The following MBNL1 variants were observed in gnomAD, a reference collection of about 807,000 sequenced individuals.
MBNL1 encodes the protein muscleblind-like protein 1.
Under a neutral mutation model 42.2 loss-of-function variants are expected in MBNL1, and 8 were observed. The observed-to-expected ratio is 0.19, with a 90% CI of 0.11 to 0.34. The LOEUF (loss-of-function observed/expected upper bound fraction) is 0.34. MBNL1 is among the 10% of genes least tolerant of loss of function. The pLI is 1.00. For missense variants in MBNL1, 309 were observed against 495.3 expected (o/e 0.62, Z 3.57); for synonymous variants, 169 against 173.9 (o/e 0.97, Z 0.22).
At chr3:152,280,910 C>A (rs186170339) in intron 1 of MBNL1, among the ~76,000 whole-genome samples, 1 of 151,872 alleles carries the variant, frequency 6.6e-6, no homozygotes, top group African/African-American at 2.4e-5. Context: ...TTGTTTAAAG[C>A]CCATTACATA....
intron 2 of MBNL1, among the ~76,000 whole-genome samples, chr3:152,302,831 G>A (rs2061289377): frequency 6.6e-6 from 1 of 152,032 alleles, no homozygotes; most frequent in African/African-American, 2.4e-5. Flanking sequence ...CTGAGTTCTT[G>A]AGCCATGAGA....
intron 3 of MBNL1, among the ~76,000 whole-genome samples, chr3:152,421,641 C>A (rs1371247465): frequency 6.6e-6 from 1 of 152,000 alleles, no homozygotes; most frequent in Non-Finnish European, 1.5e-5. Context: ...GACATATAAT[C>A]GTCAGATTCA....
intron 4 of MBNL1, among the ~76,000 whole-genome samples, chr3:152,442,829 C>T (rs898423870): frequency 2.6e-5 from 4 of 152,206 alleles, no homozygotes; most frequent in African/African-American, 9.7e-5. Flanking sequence ...TCCAGTCCCA[C>T]TGGCCTGTAA....
At chr3:152,455,063 T>G (rs1245239817) in intron 6 of MBNL1, among the ~76,000 whole-genome samples, 2 of 152,170 alleles carry the variant, frequency 1.3e-5, no homozygotes, top group African/African-American at 4.8e-5. Flanking sequence ...TTTCATTATA[T>G]TGTTAAGTCA....
intron 3 of MBNL1, among the ~76,000 whole-genome samples, chr3:152,432,100 A>G (rs1279185502): frequency 1.3e-5 from 2 of 152,176 alleles, no homozygotes; most frequent in African/African-American, 4.8e-5. Flanking sequence ...AACACTTATA[A>G]TTTCCCCCAG....
intron 3 of MBNL1, among the ~76,000 whole-genome samples, chr3:152,419,684 TTTTTG>T (rs763259453): frequency 6.2e-4 from 68 of 110,158 alleles, no homozygotes; most frequent in Middle Eastern, 4.4e-3. Context: ...TGCAGGAGTT[TTTTTG>T]TTTGTTTGTT....
chr3:152,455,456 G>A (rs1027751995), intron 6 of MBNL1, 86 bp from the exon 7 acceptor site: 3 of 1,092,124 alleles, frequency 2.7e-6, no homozygotes, highest in Non-Finnish European at 4.2e-6. Flanking sequence ...TTGTTCAAAT[G>A]AATTTTCTAA....
chr3:152,310,419 T>G (rs1486637865), intron 2 of MBNL1, among the ~76,000 whole-genome samples: 1 of 152,242 alleles, frequency 6.6e-6, no homozygotes, highest in Non-Finnish European at 1.5e-5. Context: ...CTTCAGAGCC[T>G]ATGCTTTTAG....
At chr3:152,421,230 G>A (rs1309208613) in intron 3 of MBNL1, among the ~76,000 whole-genome samples, 3 of 152,172 alleles carry the variant, frequency 2.0e-5, no homozygotes, top group African/African-American at 7.2e-5. Context: ...AACCTAGCAA[G>A]ATAGGCTGTT....
chr3:152,351,835 C>T (rs1317101688), intron 2 of MBNL1, among the ~76,000 whole-genome samples: 1 of 152,164 alleles, frequency 6.6e-6, no homozygotes, highest in Admixed American at 6.5e-5. Flanking sequence ...GGGTCTAGCA[C>T]ATGATAAAGC....
rs575428503 is a variant in MBNL1 at position 152,390,341 on chromosome 3, T to G, written c.175-24600T>G. The stretch of plus-strand genomic sequence containing the variant: ...TTAGGCCTACACAGGGTTGGGACCA[T>G]TAATATCAATGTCTTCTTCACTCCA... On this transcript the variant is annotated intron_variant, in intron 2 of 9. Coordinates refer to ENST00000324210, the MANE Select transcript of MBNL1 (RefSeq NM_021038.5). Among the ~76,000 whole-genome samples the G allele has an allele frequency of 2.2e-4, 34 of 152,020 alleles. No homozygotes were observed. The South Asian group carries it at 6.7e-3, about 30-fold the overall frequency.
intron 2 of MBNL1, among the ~76,000 whole-genome samples, chr3:152,256,576 T>C (rs1390096888): frequency 1.3e-5 from 2 of 152,168 alleles, no homozygotes; most frequent in Non-Finnish European, 2.9e-5. Context: ...ATATTCCCTA[T>C]GATTTATTTT....
intron 2 of MBNL1, among the ~76,000 whole-genome samples, chr3:152,365,018 C>G (rs942441551): frequency 6.6e-6 from 1 of 152,038 alleles, no homozygotes; most frequent in African/African-American, 2.4e-5. Context: ...ATTGACCTCT[C>G]CTTTGGAGAT....
chr3:152,433,010 A>T (rs919111897), intron 4 of MBNL1, 90 bp downstream of exon 4: 4 of 1,240,508 alleles, frequency 3.2e-6, no homozygotes, highest in Admixed American at 2.4e-5. Flanking sequence ...ATGGCCAAAA[A>T]GTTGTAAAAA....
At chr3:152,358,179 AAG>A (rs1186161601) in intron 2 of MBNL1, among the ~76,000 whole-genome samples, 3 of 152,236 alleles carry the variant, frequency 2.0e-5, no homozygotes, top group Admixed American at 1.3e-4. Flanking sequence ...AATGTGTATA[AAG>A]AGAGATTTTT....
At position 152,405,076 on chromosome 3, in the gene MBNL1, A is replaced by G. The variant is rs973672779; in HGVS notation, c.175-9865A>G. On this transcript the variant is annotated intron_variant, in intron 2 of 9. Transcript: ENST00000324210. ...ATGCTATGTGGATTAGTCTTCTCCA[A>G]ATTCAGTTGCTTACATTATGAAATA... is the stretch of plus-strand genomic sequence containing the variant. 2.0e-5 allele frequency among the ~76,000 whole-genome samples: 3 copies of G among 152,194 alleles called. No individual in the cohort carries two copies. The East Asian group carries it at 5.8e-4, about 29-fold the overall frequency.
chr3:152,274,171 C>G (rs2149980087), intron 1 of MBNL1, among the ~76,000 whole-genome samples: 1 of 152,096 alleles, frequency 6.6e-6, no homozygotes, highest in East Asian at 1.9e-4. Context: ...AGTTTAGAAG[C>G]TATTAACTAA....
At chr3:152,361,587 G>A (rs1420922003) in intron 2 of MBNL1, among the ~76,000 whole-genome samples, 2 of 151,934 alleles carry the variant, frequency 1.3e-5, no homozygotes, top group Non-Finnish European at 2.9e-5. Context: ...GGGCTAGAGG[G>A]TTAGGCCCAG....
intron 2 of MBNL1, among the ~76,000 whole-genome samples, chr3:152,347,524 C>CA (rs2094440499): frequency 6.6e-6 from 1 of 152,100 alleles, no homozygotes; most frequent in Non-Finnish European, 1.5e-5. Context: ...ACCTTTATAG[C>CA]ATCAGGTCAG....
Sources: allele counts gnomAD v4.1 joint callset (sites outside exome capture counted in the v4.1 genomes callset), GRCh38; gene constraint gnomAD v4.1.1; transcripts MANE v1.5; gene names NCBI Gene and HGNC (gene_info 2026-07-23, HGNC 2026-07-21).